The following CDYL2 variants were observed in gnomAD, a reference collection of about 807,000 sequenced individuals.
The protein encoded by CDYL2 is chromodomain Y like 2.
Under a neutral mutation model 49.4 loss-of-function variants are expected in CDYL2, and 23 were observed. That is an observed-to-expected ratio of 0.47 (90% confidence interval 0.34 to 0.66). The LOEUF (loss-of-function observed/expected upper bound fraction) is 0.66, where lower values mean the gene tolerates loss of function less well. Among genes scored for constraint, CDYL2 ranks in the 30% least tolerant of loss-of-function variants. The probability of loss-of-function intolerance (pLI) is 0.01; values close to 1 mark genes in which losing one functional copy is unlikely to be tolerated. For missense variants in CDYL2, 678 were observed against 656.4 expected (o/e 1.03, Z -0.36); for synonymous variants, 360 against 268.8 (o/e 1.34, Z -3.32).
intron 6 of CDYL2, among the ~76,000 whole-genome samples, chr16:80,607,180 C>G (rs1190740656): frequency 6.6e-6 from 1 of 152,108 alleles, no homozygotes; most frequent in Non-Finnish European, 1.5e-5. Flanking sequence ...ACCGCCACCC[C>G]CCACCGTCAC....
chr16:80,768,226 C>T (rs904985566), intron 1 of CDYL2, among the ~76,000 whole-genome samples: 7 of 152,154 alleles, frequency 4.6e-5, no homozygotes, highest in Admixed American at 2.6e-4. Flanking sequence ...CTGACAATAT[C>T]CGAAACTTGG....
chr16:80,627,872 G>A (rs1472545112), intron 3 of CDYL2: 1 of 152,154 alleles, frequency 6.6e-6, no homozygotes, highest in Non-Finnish European at 1.5e-5. Flanking sequence ...GCTGTCACTT[G>A]CACCTGCTAT....
intron 1 of CDYL2, among the ~76,000 whole-genome samples, chr16:80,779,999 T>C (rs1907211034): frequency 6.6e-6 from 1 of 152,138 alleles, no homozygotes; most frequent in African/African-American, 2.4e-5. Context: ...GTTAAGATAG[T>C]AGAGAAGATG....
intron 1 of CDYL2, among the ~76,000 whole-genome samples, chr16:80,790,571 G>A (rs1907576935): frequency 6.6e-6 from 1 of 152,124 alleles, no homozygotes; most frequent in African/African-American, 2.4e-5. Context: ...GGTTTCAGGT[G>A]GCAATACAGA....
intron 3 of CDYL2, among the ~76,000 whole-genome samples, chr16:80,624,088 A>T (rs1256027679): frequency 2.0e-5 from 3 of 152,136 alleles, no homozygotes; most frequent in Non-Finnish European, 2.9e-5. Context: ...ACTCCTTCCA[A>T]TCACAACCTT....
At chr16:80,662,672 A>C in intron 2 of CDYL2, 1 of 452,972 alleles carries the variant, frequency 2.2e-6, no homozygotes, top group South Asian at 1.6e-5. Flanking sequence ...TGTCTAATAC[A>C]GTAGGTGGAA....
chr16:80,721,892 G>A (rs1905010507), intron 1 of CDYL2, among the ~76,000 whole-genome samples: 2 of 152,042 alleles, frequency 1.3e-5, no homozygotes, highest in Non-Finnish European at 2.9e-5. Context: ...GAACCTGCTG[G>A]GCTGCAAATT....
chr16:80,662,570 G>T (rs115823645), intron 2 of CDYL2, among the ~76,000 whole-genome samples: 5,828 of 152,154 alleles, frequency 0.038, 200 homozygotes, highest in African/African-American at 0.083. Flanking sequence ...TGGGGTATAC[G>T]GATGGGCAGA....
At chr16:80,605,671 T>A (rs1228939558) in intron 6 of CDYL2, among the ~76,000 whole-genome samples, 1 of 151,686 alleles carries the variant, frequency 6.6e-6, no homozygotes, top group African/African-American at 2.4e-5. Flanking sequence ...ATAGTAATAA[T>A]CATAGTAGTG....
chr16:80,786,517 G>A (rs1192203122), intron 1 of CDYL2, among the ~76,000 whole-genome samples: 7 of 152,216 alleles, frequency 4.6e-5, no homozygotes, highest in African/African-American at 1.4e-4. Flanking sequence ...CTGTCGATGG[G>A]AGTGTAAATC....
At chr16:80,640,435 G>A (rs59482367) in intron 2 of CDYL2, among the ~76,000 whole-genome samples, 7,451 of 152,118 alleles carry the variant, frequency 0.049, 617 homozygotes, top group African/African-American at 0.17. Context: ...CAGGTACCAC[G>A]TTGAGGGCCT....
Position 80,633,006 on chromosome 16 carries a change from C to A in CDYL2, c.834+13G>T, listed in dbSNP as rs73592251. 20,819 of 1,609,998 alleles carry A rather than the reference C, an allele frequency of 0.013. 1,647 individuals carry two copies. The African/African-American group carries it at 0.2, about 16-fold the overall frequency. On this transcript the variant is annotated intron_variant, in intron 3 of 6. Transcript: ENST00000570137. ...AGCCCAGCTTGCCCTTCCCTCTGGC[C>A]GCCACCCCTTACCTCAGGTGTCAGG... is the stretch of plus-strand genomic sequence containing the variant.
chr16:80,620,709 T>A, intron 4 of CDYL2, 54 bp downstream of exon 4: 1 of 1,445,472 alleles, frequency 6.9e-7, no homozygotes, highest in Non-Finnish European at 9.2e-7. Context: ...CCTGTATTTT[T>A]ACTTGGTAAT....
chr16:80,637,330 G>T (rs1230868378), intron 2 of CDYL2, among the ~76,000 whole-genome samples: 5 of 152,092 alleles, frequency 3.3e-5, no homozygotes, highest in Admixed American at 3.3e-4. Flanking sequence ...TGGATGCTTT[G>T]CCCTTAAGAT....
chr16:80,632,186 G>C (rs778190113), intron 3 of CDYL2, among the ~76,000 whole-genome samples: 1 of 152,052 alleles, frequency 6.6e-6, no homozygotes, highest in Non-Finnish European at 1.5e-5. Flanking sequence ...AAATAGAAAA[G>C]GTGATAGATA....
chr16:80,662,884 G>T (rs1597156198), intron 2 of CDYL2: 1 of 419,860 alleles, frequency 2.4e-6, no homozygotes, highest in Middle Eastern at 3.5e-4. Context: ...ATTCTTAAAG[G>T]CAAGGGCTGT....
intron 1 of CDYL2, among the ~76,000 whole-genome samples, chr16:80,687,336 T>C (rs747896408): frequency 3.3e-5 from 5 of 152,080 alleles, no homozygotes; most frequent in Non-Finnish European, 5.9e-5. Flanking sequence ...TGGAGGACCA[T>C]GTTAGACAAA....
chr16:80,769,656 G>C (rs1017918667), intron 1 of CDYL2, among the ~76,000 whole-genome samples: 2 of 152,132 alleles, frequency 1.3e-5, no homozygotes, highest in African/African-American at 2.4e-5. Context: ...CAGGCCGAAA[G>C]ATGTGAACAG....
Position 80,604,353 on chromosome 16 carries a change from G to A in CDYL2, c.*35C>T. On this transcript the variant is annotated 3_prime_UTR_variant, in exon 7 of 7. Coordinates refer to ENST00000570137, the MANE Select transcript of CDYL2 (RefSeq NM_152342.4). Reference sequence around the variant, plus strand: ...GCTCTGGTTTCCGAAACACAGGGCAGAGCTGGAAGTTGGGGGCCCGTGAGC... The same window carrying A: ...GCTCTGGTTTCCGAAACACAGGGCAAAGCTGGAAGTTGGGGGCCCGTGAGC... 1.9e-6 allele frequency: 3 copies of A among 1,612,830 alleles called. No homozygotes were observed. The highest frequency in any genetic ancestry group is 2.5e-6 in the Non-Finnish European group (3 of 1,179,502).
Sources: gnomAD v4.1 joint callset for allele counts (sites outside exome capture counted in the v4.1 genomes callset) on GRCh38, gnomAD v4.1.1 for gene constraint, MANE v1.5 for transcripts, NCBI Gene and HGNC (gene_info 2026-07-23, HGNC 2026-07-21) for gene names.